NETO1: variants seen among roughly 807,000 people sequenced by gnomAD.
NETO1 encodes neuropilin and tolloid-like protein 1.
In NETO1, 26 loss-of-function variants were observed where a neutral mutation model predicts 61.3. The observed-to-expected ratio is 0.42, with a 90% confidence interval of 0.31 to 0.59. The LOEUF (loss-of-function observed/expected upper bound fraction) is 0.59, where lower values mean the gene tolerates loss of function less well. NETO1 is among the 20% of genes least tolerant of loss of function. The pLI is 0.12. For missense variants in NETO1, 531 were observed against 662.8 expected (o/e 0.80, Z 2.18); for synonymous variants, 225 against 225.8 (o/e 1.00, Z 0.03).
intron 4 of NETO1, among the ~76,000 whole-genome samples, chr18:72,824,631 G>A (rs1163301841): frequency 6.6e-6 from 1 of 152,008 alleles, no homozygotes; most frequent in African/African-American, 2.4e-5. Context: ...TTGGGAGGCC[G>A]AGGCGGGCAG....
At chr18:72,793,225 T>C (rs371559172) in intron 6 of NETO1, among the ~76,000 whole-genome samples, 6 of 152,060 alleles carry the variant, frequency 3.9e-5, no homozygotes, top group African/African-American at 1.4e-4. Flanking sequence ...TGACTACAAA[T>C]CTAGTAAGTC....
At position 72,867,141 on chromosome 18, in the gene NETO1, C is replaced by T. The variant is rs2074763450; in HGVS notation, c.28+123G>A. 7 of 667,648 alleles carry T rather than the reference C, an allele frequency of 1.0e-5. No individual in the cohort carries two copies. In the South Asian group the frequency reaches 1.3e-4, roughly 13 times the overall value. 41.4% of individuals were successfully genotyped at this position (667,648 alleles called of 1,614,324 possible). ...ACAGAAAGTTTACGTCGGCCCCGAC[C>T]CGCGCGGGACTGCAGGGTCCGCCGG... On this transcript the variant is annotated intron_variant, in intron 1 of 10. Coordinates refer to ENST00000327305, the MANE Select transcript of NETO1 (RefSeq NM_138966.5).
In NETO1 at chr18:72,819,035, C is replaced by T. The variant is rs57116951; in HGVS notation, c.470-24631G>A. On this transcript the variant is annotated intron_variant, in intron 4 of 10. Coordinates refer to ENST00000327305, the MANE Select transcript of NETO1 (RefSeq NM_138966.5). Reference sequence around the variant, plus strand: ...GCATAAGAAACTCTATAGAGCTGTCCTTTATTTTTTTAATCTAACATTAGT... The same window carrying T: ...GCATAAGAAACTCTATAGAGCTGTCTTTTATTTTTTTAATCTAACATTAGT... Among the ~76,000 whole-genome samples, 1,260 of 152,174 alleles carry T rather than the reference C, an allele frequency of 8.3e-3. 20 individuals carry two copies. Among genetic ancestry groups the T allele is most frequent in the African/African-American group, 0.028 (1,177 of 41,510 alleles).
At position 72,785,418 on chromosome 18, in the gene NETO1, C is replaced by A. The variant is rs749270590; in HGVS notation, c.640-1512G>T. ...CACATTTCTATAATATTTCAACACT[C>A]TCCTGACCAGCCTGGATAGTTGCAA... On this transcript the variant is annotated intron_variant, in intron 6 of 10. Coordinates refer to ENST00000327305, the MANE Select transcript of NETO1 (RefSeq NM_138966.5). 1.5e-4 allele frequency among the ~76,000 whole-genome samples: 23 copies of A among 152,170 alleles called. 1 individual carries two copies. The highest frequency in any genetic ancestry group is 7.2e-4 in the Admixed American group (11 of 15,270).
At chr18:72,748,969 C>A in intron 10 of NETO1, 45 bp downstream of exon 10, 1 of 1,201,240 alleles carries the variant, frequency 8.3e-7, no homozygotes, top group Non-Finnish European at 1.2e-6. Flanking sequence ...TGCAACAAAA[C>A]AGAATACGAC....
Position 72,747,042 on chromosome 18 carries a change from C to T in NETO1, c.*1137G>A, listed in dbSNP as rs961649616. On this transcript the variant is annotated 3_prime_UTR_variant, in exon 11 of 11. Coordinates refer to ENST00000327305, the MANE Select transcript of NETO1 (RefSeq NM_138966.5). ...TTAAAGCAGTTTTAAAAAGAGTTCC[C>T]TATTCTAAAAGAAGAAAATATTCCC... is the stretch of plus-strand genomic sequence containing the variant. The T allele has an allele frequency of 6.6e-6, 1 of 151,818 alleles. No individual in the cohort carries two copies. The highest frequency in any genetic ancestry group is 2.4e-5 in the African/African-American group (1 of 41,388). 9.4% of individuals were successfully genotyped at this position (151,818 alleles called of 1,614,324 possible).
At chr18:72,816,093 C>T (rs767986878) in intron 4 of NETO1, among the ~76,000 whole-genome samples, 19 of 151,998 alleles carry the variant, frequency 1.3e-4, no homozygotes, top group Non-Finnish European at 2.6e-4. Context: ...TTCTCTCCCC[C>T]TCTCCTCCAC....
At chr18:72,794,934 T>G (rs936632827) in intron 4 of NETO1, among the ~76,000 whole-genome samples, 21 of 152,210 alleles carry the variant, frequency 1.4e-4, no homozygotes, top group African/African-American at 4.6e-4. Context: ...ACTCCTCTCC[T>G]TTGGCGGACT....
chr18:72,794,884 C>G (rs921199047), intron 4 of NETO1, among the ~76,000 whole-genome samples: 3 of 152,160 alleles, frequency 2.0e-5, no homozygotes, highest in Non-Finnish European at 4.4e-5. Context: ...CAGTTTTTAA[C>G]TAGAATATTT....
At chr18:72,799,510 G>A (rs867332916) in intron 4 of NETO1, among the ~76,000 whole-genome samples, 1 of 152,234 alleles carries the variant, frequency 6.6e-6, no homozygotes, top group Admixed American at 6.5e-5. Flanking sequence ...TGGCTGCCAT[G>A]ACTGGACGGC....
At chr18:72,824,874 G>T (rs2073326183) in intron 4 of NETO1, among the ~76,000 whole-genome samples, 2 of 152,000 alleles carry the variant, frequency 1.3e-5, no homozygotes, top group Non-Finnish European at 2.9e-5. Flanking sequence ...GTGAGACTCG[G>T]TCTCAAACAA....
intron 4 of NETO1, among the ~76,000 whole-genome samples, chr18:72,807,938 T>C (rs1420554388): frequency 6.6e-6 from 1 of 152,202 alleles, no homozygotes; most frequent in Admixed American, 6.5e-5. Flanking sequence ...AATGCTGTTA[T>C]TTGCTCATCC....
At chr18:72,773,749 G>A (rs1442046031) in intron 7 of NETO1, among the ~76,000 whole-genome samples, 2 of 152,158 alleles carry the variant, frequency 1.3e-5, no homozygotes, top group Non-Finnish European at 2.9e-5. Context: ...CCAGCTATGT[G>A]TAGCTGTGAG....
intron 6 of NETO1, among the ~76,000 whole-genome samples, chr18:72,793,118 G>A (rs1006086506): frequency 6.6e-6 from 1 of 152,122 alleles, no homozygotes; most frequent in Non-Finnish European, 1.5e-5. Flanking sequence ...ACAGGGCCTG[G>A]CCTGCTTTTT....
At position 72,859,073 on chromosome 18, in the gene NETO1, G is replaced by C; in HGVS notation, c.222C>G (p.Ala74=). 2 of 1,581,990 alleles carry C rather than the reference G, an allele frequency of 1.3e-6. No individual in the cohort carries two copies. The highest frequency in any genetic ancestry group is 2.3e-5 in the East Asian group (1 of 44,138). Residue 74 remains alanine (A), a splice_region_variant and synonymous_variant, in exon 4 of 11, where the codon GCC becomes GCG. Transcript: ENST00000327305. ...PDRECIYIIE[A]APRQCIELYF... ...AAAGTTCAATGCACTGTCTTGGAGC[G>C]GCTGTAAAGAAGAAAGATTGTGTCT... is the stretch of plus-strand genomic sequence containing the variant.
rs183975616 is a variant in NETO1, at chr18:72,769,470, C to T, written c.869-13323G>A. On this transcript the variant is annotated intron_variant, in intron 7 of 10. Transcript: ENST00000327305. ...CTGATATTATAGATGAGTCAATTAA[C>T]CCAACATAGAAAATAATGTACATAC... is the stretch of plus-strand genomic sequence containing the variant. Among the ~76,000 whole-genome samples the T allele has an allele frequency of 4.2e-3, 639 of 152,240 alleles. 2 individuals are homozygous for T. Among genetic ancestry groups the T allele is most frequent in the African/African-American group, 0.015 (606 of 41,532 alleles).
In NETO1 at chr18:72,771,979, G is replaced by C. The variant is rs2071366334; in HGVS notation, c.868+11699C>G. Among the ~76,000 whole-genome samples, 4 of 152,218 alleles carry C rather than the reference G, an allele frequency of 2.6e-5. No homozygotes were observed. In the South Asian group the frequency reaches 8.3e-4, roughly 32 times the overall value. ...TTGGGTCTCTGAAGGCTAAAATCAAGAGTCTGTCTGGATTGGGTTCTCATG... is the reference window on the plus strand; with the variant it reads ...TTGGGTCTCTGAAGGCTAAAATCAACAGTCTGTCTGGATTGGGTTCTCATG... On this transcript the variant is annotated intron_variant, in intron 7 of 10. Transcript: ENST00000327305.
chr18:72,849,496 C>CTACTAACAGTAAGTTTACATAGTAAACT (rs1225359594), intron 4 of NETO1, among the ~76,000 whole-genome samples: 1 of 152,166 alleles, frequency 6.6e-6, no homozygotes, highest in Non-Finnish European at 1.5e-5. Context: ...ATTCATATTT[C>CTACTAACAGTAAGTTTACATAGTAAACT]TACTAACAGT....
At chr18:72,752,133 TAGA>T (rs1431171926) in intron 8 of NETO1, 2 of 152,122 alleles carry the variant, frequency 1.3e-5, no homozygotes, top group Non-Finnish European at 2.9e-5. Context: ...TTAGAACATC[TAGA>T]AGTTTAACAG....
Sources: allele counts gnomAD v4.1 joint callset (sites outside exome capture counted in the v4.1 genomes callset), GRCh38; gene constraint gnomAD v4.1.1; transcripts MANE v1.5; gene names NCBI Gene and HGNC (gene_info 2026-07-23, HGNC 2026-07-21).